Variants in BAD observed in about 807,000 individuals in gnomAD.
BAD encodes bcl2-associated agonist of cell death.
A neutral mutation model predicts 17.8 loss-of-function variants in BAD; 18 were observed. The ratio of observed to expected loss-of-function variants is 1.01; its 90% CI spans 0.70 to 1.50. The LOEUF (loss-of-function observed/expected upper bound fraction) is 1.50, where lower values mean the gene tolerates loss of function less well. BAD is among the 40% of genes most tolerant of loss of function. The pLI is 0.00. For synonymous variants in BAD, 112 were observed against 91.5 expected (o/e 1.22, Z -1.28); for missense variants, 294 against 239.3 (o/e 1.23, Z -1.51).
In BAD at chr11:64,270,046, T is replaced by C. The variant is rs1565342837; in HGVS notation, c.*163A>G. The C allele has an allele frequency of 7.7e-7, 1 of 1,302,958 alleles. No homozygotes were observed. The highest frequency in any genetic ancestry group is 1.5e-5 in the African/African-American group (1 of 67,638). 80.7% of individuals were successfully genotyped at this position (1,302,958 alleles called of 1,614,324 possible). A position where few individuals can be genotyped will look rare whatever the true frequency, so the allele number is the denominator to read the frequency against. On this transcript the variant is annotated 3_prime_UTR_variant, in exon 4 of 4. Transcript: ENST00000309032. ...ACTTCCGATGGGACCAAGCCTTCCG[T>C]GGCTTCACACGCACCGGAAGGGAAT...
At chr11:64,279,198 T>C (rs1360964831) in intron 2 of BAD, among the ~76,000 whole-genome samples, 1 of 152,108 alleles carries the variant, frequency 6.6e-6, no homozygotes, top group Non-Finnish European at 1.5e-5. Flanking sequence ...CTTGTCACCA[T>C]CAAATAACTC....
At chr11:64,281,334 C>A (rs1230537569) in intron 2 of BAD, among the ~76,000 whole-genome samples, 4 of 152,164 alleles carry the variant, frequency 2.6e-5, no homozygotes, top group Non-Finnish European at 2.9e-5. Context: ...CACATCCAGT[C>A]CATCAGCAGA....
At chr11:64,274,301 G>A (rs2032879328) in intron 2 of BAD, among the ~76,000 whole-genome samples, 1 of 152,030 alleles carries the variant, frequency 6.6e-6, no homozygotes, top group African/African-American at 2.4e-5. Context: ...GCAGGACAAT[G>A]GCGTGAACCC....
intron 2 of BAD, chr11:64,275,593 A>T (rs1299079756): frequency 6.6e-6 from 1 of 152,146 alleles, no homozygotes; most frequent in Admixed American, 6.5e-5. Flanking sequence ...TGTTGTACAG[A>T]TGAGGAAACA....
intron 2 of BAD, among the ~76,000 whole-genome samples, chr11:64,273,363 ACT>A (rs1433882185): frequency 2.0e-5 from 3 of 152,060 alleles, no homozygotes; most frequent in Non-Finnish European, 1.5e-5. Context: ...GCAGAGCGAG[ACT>A]CTGTCTCAAA....
intron 2 of BAD, among the ~76,000 whole-genome samples, chr11:64,282,881 G>GAAAAAA (rs541902877): frequency 2.4e-4 from 21 of 87,992 alleles, no homozygotes; most frequent in Middle Eastern, 6.3e-3. Flanking sequence ...TCCGTCTCAG[G>GAAAAAA]AAAAAAAAAA....
intron 2 of BAD, chr11:64,276,759 G>C (rs2033095880): frequency 1.7e-6 from 1 of 599,084 alleles, no homozygotes; most frequent in East Asian, 2.9e-5. Flanking sequence ...GAAGGGAAGG[G>C]GTGTGGCTCC....
intron 2 of BAD, among the ~76,000 whole-genome samples, chr11:64,282,085 T>G (rs2033516340): frequency 6.6e-6 from 1 of 152,156 alleles, no homozygotes; most frequent in South Asian, 2.1e-4. Flanking sequence ...GCTTTTGTGC[T>G]TGTTTGCTCA....
intron 2 of BAD, among the ~76,000 whole-genome samples, chr11:64,275,234 C>T (rs969627573): frequency 6.6e-6 from 1 of 151,786 alleles, no homozygotes; most frequent in Admixed American, 6.6e-5. Flanking sequence ...CGGCTCATGC[C>T]TATAATCCCA....
Position 64,270,125 on chromosome 11 carries a change from C to T in BAD, c.*84G>A. On this transcript the variant is annotated 3_prime_UTR_variant, in exon 4 of 4. Transcript: ENST00000309032. The stretch of plus-strand genomic sequence containing the variant: ...AGCACGGATCCTCTTTTTGCATAGG[C>T]CTGAGGGAAGTACTTCCGCCCATAT... 1 of 1,599,588 alleles carries T rather than the reference C, an allele frequency of 6.3e-7. No homozygotes were observed. The highest frequency in any genetic ancestry group is 8.5e-7 in the Non-Finnish European group (1 of 1,170,298).
chr11:64,270,778 G>C (rs1788474876), intron 3 of BAD: 3 of 426,160 alleles, frequency 7.0e-6, no homozygotes, highest in Non-Finnish European at 1.4e-5. Flanking sequence ...CTGGGCGACA[G>C]AGCGCACAGG....
At chr11:64,277,726 G>C (rs563933212) in intron 2 of BAD, among the ~76,000 whole-genome samples, 2 of 152,162 alleles carry the variant, frequency 1.3e-5, no homozygotes, top group African/African-American at 2.4e-5. Context: ...GGTATGAAAG[G>C]CTGGCTGGCA....
intron 2 of BAD, among the ~76,000 whole-genome samples, chr11:64,283,367 G>GA (rs1406339623): frequency 1.3e-5 from 2 of 152,214 alleles, no homozygotes; most frequent in Non-Finnish European, 2.9e-5. Context: ...TTTGTGTTCA[G>GA]AAGATATCTG....
In BAD at chr11:64,270,309, C is replaced by A; in HGVS notation, c.407G>T (p.Gly136Val). Reference protein sequence around the residue: ...KKGLPRPKSAGTATQMRQSSS... With the variant: ...KKGLPRPKSAVTATQMRQSSS... ...GCTTTGCCGCATCTGCGTTGCTGTGCCCGCGCTCTTCGGGCGAGGAAGTCC... is the reference window on the plus strand; with the variant it reads ...GCTTTGCCGCATCTGCGTTGCTGTGACCGCGCTCTTCGGGCGAGGAAGTCC... Residue 136 changes from glycine (G) to valine (V), a missense_variant, in exon 4 of 4, where the codon GGC becomes GTC. Physicochemically the swap from Gly to Val is moderately radical, Grantham distance 109. Transcript: ENST00000309032. 1 of 1,572,156 alleles carries A rather than the reference C, an allele frequency of 6.4e-7. No homozygotes were observed.
intron 2 of BAD, among the ~76,000 whole-genome samples, chr11:64,281,704 G>A (rs1195789094): frequency 6.6e-6 from 1 of 151,990 alleles, no homozygotes; most frequent in Admixed American, 6.6e-5. Flanking sequence ...CACTCCCCCC[G>A]CCCCTGTGAC....
At chr11:64,275,809 G>C (rs1458914748) in intron 2 of BAD, 2 of 151,936 alleles carry the variant, frequency 1.3e-5, no homozygotes, top group Non-Finnish European at 2.9e-5. Context: ...CCCTTGCCCA[G>C]GGATCAGAAC....
In BAD at chr11:64,284,645, C is replaced by A; in HGVS notation, c.-23G>T. 6.5e-7 allele frequency: 1 copy of A among 1,531,530 alleles called. No homozygotes were observed. Among genetic ancestry groups the A allele is most frequent in the South Asian group, 1.2e-5 (1 of 83,560 alleles). The allele number at this position is 1,531,530 out of a possible 1,614,324, so 94.9% of individuals were successfully genotyped here. ...ACAGGTCTCACCCCAAGCCCGATCT[C>A]GAGGCCCCTGACCCGGGCCTGCCGC... On this transcript the variant is annotated 5_prime_UTR_variant, in exon 1 of 4. Transcript: ENST00000309032.
intron 2 of BAD, among the ~76,000 whole-genome samples, chr11:64,280,026 A>T (rs757158623): frequency 1.5e-4 from 22 of 151,134 alleles, no homozygotes; most frequent in Non-Finnish European, 2.7e-4. Flanking sequence ...TCTAAAATTA[A>T]TAATAATTTG....
Position 64,284,242 on chromosome 11 carries a change from C to G in BAD, c.127G>C (p.Gly43Arg). 1 of 1,610,666 alleles carries G rather than the reference C, an allele frequency of 6.2e-7. No individual in the cohort carries two copies. Among genetic ancestry groups the G allele is most frequent in the Non-Finnish European group, 8.5e-7 (1 of 1,179,386 alleles). Residue 43 changes from glycine (G) to arginine (R), a missense_variant, in exon 2 of 4, where the codon GGC becomes CGC. Gly to Arg is a moderately radical substitution (Grantham distance 125, BLOSUM62 -2). Coordinates refer to ENST00000309032, the MANE Select transcript of BAD (RefSeq NM_032989.3). ...GSGKHHRQAP[G>R]LLWDASHQQE... ...TGGTGACTGGCGTCCCACAGGAGGC[C>G]TGGGGCCTGGCGATGATGCTTGCCG...
Sources: gnomAD v4.1 joint callset for allele counts (sites outside exome capture counted in the v4.1 genomes callset) on GRCh38, gnomAD v4.1.1 for gene constraint, MANE v1.5 for transcripts, NCBI Gene and HGNC (gene_info 2026-07-23, HGNC 2026-07-21) for gene names.